The following CSK variants were observed in gnomAD, a reference collection of about 807,000 sequenced individuals.
CSK encodes the protein C-terminal Src kinase.
In CSK, 7 loss-of-function variants were observed where a neutral mutation model predicts 62.3. The observed-to-expected ratio is 0.11, with a 90% CI of 0.06 to 0.21. CSK has a LOEUF of 0.21. CSK is among the 10% of genes least tolerant of loss of function. The pLI is 1.00. For synonymous variants in CSK, 237 were observed against 246.0 expected, an observed-to-expected ratio of 0.96 and a Z score of 0.34; for missense variants, 294 against 613.5, an observed-to-expected ratio of 0.48 and a Z score of 5.50.
In CSK at chr15:74,800,495, G is replaced by A. The variant is rs2063773134; in HGVS notation, c.546G>A (p.Glu182=). Residue 182 remains glutamate, a synonymous_variant, in exon 6 of 13, where the codon GAG becomes GAA. Coordinates refer to ENST00000220003, the MANE Select transcript of CSK (RefSeq NM_004383.3). The part of the protein sequence containing the change: ...VMEGTVAAQD[E]FYRSGWALNM... ...AGGGCACAGTGGCGGCCCAGGATGA[G>A]TTCTACCGCAGTGAGTGCACCCCAC... 10 of 1,613,830 alleles carry A rather than the reference G, an allele frequency of 6.2e-6. No individual in the cohort carries two copies. The East Asian group carries it at 2.0e-4, about 32-fold the overall frequency.
chr15:74,798,788 G>A lies in CSK; in HGVS notation c.130-38G>A. 2 of 1,606,434 alleles carry A rather than the reference G, an allele frequency of 1.2e-6. No homozygotes were observed. Among genetic ancestry groups the A allele is most frequent in the Non-Finnish European group, 1.7e-6 (2 of 1,175,038 alleles). ...CTGGGCCTTCCCTCTGCAGGGGGAG[G>A]TGGGCCTGAGAGCATGTCTGGGCTG... On this transcript the variant is annotated intron_variant, in intron 3 of 12. Coordinates refer to ENST00000220003, the MANE Select transcript of CSK (RefSeq NM_004383.3). This position sits in a 1 kb window ranked among gnomAD's most constrained non-coding sequence, Gnocchi z 6.6.
intron 1 of CSK, among the ~76,000 whole-genome samples, chr15:74,787,758 G>C (rs2063545969): frequency 6.6e-6 from 1 of 152,152 alleles, no homozygotes; most frequent in Non-Finnish European, 1.5e-5. Context: ...CCTGATCATG[G>C]CATGGTTGTA....
intron 1 of CSK, among the ~76,000 whole-genome samples, chr15:74,789,040 C>T (rs2063573344): frequency 1.3e-5 from 2 of 152,194 alleles, no homozygotes; most frequent in South Asian, 4.1e-4. Context: ...GGAGTAGGCT[C>T]CCCATTAGCC....
intron 1 of CSK, among the ~76,000 whole-genome samples, chr15:74,795,677 T>C (rs1025754358): frequency 6.6e-6 from 1 of 152,156 alleles, no homozygotes; most frequent in Non-Finnish European, 1.5e-5. Context: ...GGTAGCTTTT[T>C]TGGGGAGTCA....
In CSK at chr15:74,798,676, A is replaced by G; in HGVS notation, c.77A>G (p.Gln26Arg). 6.2e-7 allele frequency: 1 copy of G among 1,613,780 alleles called. No individual in the cohort carries two copies. Among genetic ancestry groups the G allele is most frequent in the Non-Finnish European group, 8.5e-7 (1 of 1,180,022 alleles). The change falls in exon 3 of 13, where the codon CAG becomes CGG. Residue 26 changes from glutamine to arginine, a missense_variant. Gln to Arg is a conservative substitution (Grantham distance 43, BLOSUM62 1). Around this residue, in one of 3 missense-constraint regions of CSK, gnomAD observed 202 missense variants for 415.7 expected, o/e 0.49. Transcript: ENST00000220003. This position sits in a 1 kb window ranked among gnomAD's most constrained non-coding sequence, Gnocchi z 6.6. ...TACAACTTCCACGGCACTGCCGAGC[A>G]GGACCTGCCCTTCTGCAAAGGAGAC... Reference protein sequence around the residue: ...AKYNFHGTAEQDLPFCKGDVL... With the variant: ...AKYNFHGTAERDLPFCKGDVL...
chr15:74,796,593 CAAAAAAA>C (rs553348497), intron 1 of CSK, among the ~76,000 whole-genome samples: 1 of 98,354 alleles, frequency 1.0e-5, no homozygotes, highest in Non-Finnish European at 2.0e-5. Flanking sequence ...GACCCTTTCT[CAAAAAAA>C]AAAAAAAAAG....
chr15:74,789,774 C>G (rs947913693), intron 1 of CSK, among the ~76,000 whole-genome samples: 1 of 152,214 alleles, frequency 6.6e-6, no homozygotes, highest in African/African-American at 2.4e-5. Flanking sequence ...CTCCCCTCAC[C>G]CATCTTCCTG....
At position 74,800,760 on chromosome 15, in the gene CSK, G is replaced by A. The variant is rs2063778108; in HGVS notation, c.622+14G>A. ...GGGAGTTCGGAGGTGAGCTGGGCCG[G>A]GCCCCCTGGGGGGGTTCTGAGGGAC... On this transcript the variant is annotated intron_variant, in intron 7 of 12. Transcript: ENST00000220003. 6.3e-7 allele frequency: 1 copy of A among 1,580,924 alleles called. No individual in the cohort carries two copies. The highest frequency in any genetic ancestry group is 8.6e-7 in the Non-Finnish European group (1 of 1,163,172).
chr15:74,792,332 G>A (rs1398320613), intron 1 of CSK, among the ~76,000 whole-genome samples: 4 of 152,152 alleles, frequency 2.6e-5, no homozygotes, highest in Non-Finnish European at 5.9e-5. Flanking sequence ...GAGTGTGAAG[G>A]GAATGGCAAG....
In CSK at chr15:74,798,562, G is replaced by A. The variant is rs1389517584; in HGVS notation, c.16-53G>A. The A allele has an allele frequency of 5.9e-6, 9 of 1,519,678 alleles. No homozygotes were observed. The highest frequency in any genetic ancestry group is 8.2e-6 in the Non-Finnish European group (9 of 1,099,412). The allele number at this position is 1,519,678 out of a possible 1,614,324, so 94.1% of individuals were successfully genotyped here. The stretch of plus-strand genomic sequence containing the variant: ...CTGTGACCACGAGGGTGCGCCAGCA[G>A]GTGGCTGGAGGGGGCCCAGGCTGCA... On this transcript the variant is annotated intron_variant, in intron 2 of 12. Coordinates refer to ENST00000220003, the MANE Select transcript of CSK (RefSeq NM_004383.3). The surrounding 1 kb of genome is among the most constrained non-coding windows in gnomAD (Gnocchi z 6.6).
In CSK at chr15:74,801,738, G is replaced by A. The variant is rs779478770; in HGVS notation, c.931G>A (p.Val311Met). Residue 311 changes from valine to methionine, a missense_variant, in exon 11 of 13, where the codon GTG (valine) becomes ATG (methionine). Physicochemically the swap from Val to Met is conservative, Grantham distance 21. Coordinates refer to ENST00000220003, the MANE Select transcript of CSK (RefSeq NM_004383.3). ...GGAATACCTGGAGGGCAACAATTTC[G>A]TGCATCGAGACCTGGCTGCCCGCAA... ...AMEYLEGNNF[V>M]HRDLAARNVL... 16 of 1,613,884 alleles carry A rather than the reference G, an allele frequency of 9.9e-6. No individual in the cohort carries two copies. Among genetic ancestry groups the A allele is most frequent in the East Asian group, 2.2e-5 (1 of 44,888 alleles).
At chr15:74,790,529 A>G (rs2063603999) in intron 1 of CSK, among the ~76,000 whole-genome samples, 1 of 152,208 alleles carries the variant, frequency 6.6e-6, no homozygotes, top group Non-Finnish European at 1.5e-5. Flanking sequence ...CCCCAGCACA[A>G]GGGCTGCTGG....
chr15:74,786,040 TGTGA>T (rs2063517036), intron 1 of CSK, among the ~76,000 whole-genome samples: 1 of 123,608 alleles, frequency 8.1e-6, no homozygotes, highest in Admixed American at 8.1e-5. Context: ...TGTGTGTGTG[TGTGA>T]GATGGAGTTT....
At chr15:74,801,458 G>T (rs893126639) in intron 9 of CSK, 64 bp from the exon 10 acceptor site, 3 of 1,521,394 alleles carry the variant, frequency 2.0e-6, no homozygotes, top group African/African-American at 2.8e-5. Flanking sequence ...CGGCCCCAGC[G>T]TGCTGTGTGA....
chr15:74,788,159 C>A (rs2063553698), intron 1 of CSK, among the ~76,000 whole-genome samples: 1 of 152,196 alleles, frequency 6.6e-6, no homozygotes, highest in Non-Finnish European at 1.5e-5. Flanking sequence ...GAAGCTTCTG[C>A]CCTCTCTAGG....
At chr15:74,785,284 T>G (rs2063498379) in intron 1 of CSK, among the ~76,000 whole-genome samples, 1 of 152,360 alleles carries the variant, frequency 6.6e-6, no homozygotes, top group African/African-American at 2.4e-5. Context: ...TAAGTAACGT[T>G]GCTTCTAAAA....
chr15:74,785,166 T>TC (rs1179151088), intron 1 of CSK, among the ~76,000 whole-genome samples: 4 of 152,232 alleles, frequency 2.6e-5, no homozygotes, highest in Non-Finnish European at 5.9e-5. Flanking sequence ...GCCAGTCTTT[T>TC]CCCCATCCTT....
In CSK at chr15:74,782,385, C is replaced by A. The variant is rs1388104923; in HGVS notation, c.-401C>A. ...GCCCCGATCGAGCGTCCGGGGCGGC[C>A]CCCGGCAGCCAGCGCGACGTTCCAA... On this transcript the variant is annotated 5_prime_UTR_variant, in exon 1 of 13. Transcript: ENST00000220003. The surrounding 1 kb of genome is among the most constrained non-coding windows in gnomAD (Gnocchi z 5.7). 2.6e-5 allele frequency: 4 copies of A among 151,226 alleles called. No individual in the cohort carries two copies. Among genetic ancestry groups the A allele is most frequent in the African/African-American group, 9.7e-5 (4 of 41,328 alleles). The allele number at this position is 151,226 out of a possible 1,614,324, so 9.4% of individuals were successfully genotyped here. A position where few individuals can be genotyped will look rare whatever the true frequency, so the allele number is the denominator to read the frequency against.
intron 12 of CSK, 79 bp from the exon 13 acceptor site, chr15:74,802,252 G>A: frequency 6.8e-7 from 1 of 1,463,284 alleles, no homozygotes. Flanking sequence ...AAGCTGATGG[G>A]CATCCCTGAG....
Sources: allele counts gnomAD v4.1 joint callset (sites outside exome capture counted in the v4.1 genomes callset), GRCh38; gene constraint gnomAD v4.1.1; regional missense constraint gnomAD v4.1.1; non-coding constraint Gnocchi (gnomAD v3.1); transcripts MANE v1.5; gene names NCBI Gene and HGNC (gene_info 2026-07-23, HGNC 2026-07-21).